TSHZ3: variants seen among roughly 807,000 people sequenced by gnomAD.
TSHZ3 encodes the protein teashirt zinc finger homeobox 3.
A neutral mutation model predicts 64.5 loss-of-function variants in TSHZ3; 10 were observed. The ratio of observed to expected loss-of-function variants is 0.16; its 90% confidence interval spans 0.10 to 0.26. The LOEUF (loss-of-function observed/expected upper bound fraction) is 0.26, where lower values mean the gene tolerates loss of function less well. Among genes scored for constraint, TSHZ3 ranks in the 10% least tolerant of loss-of-function variants. The pLI, the probability that TSHZ3 is intolerant of heterozygous loss-of-function variation, is 1.00. For missense variants in TSHZ3, 1,242 were observed against 1,421.7 expected (o/e 0.87, Z 2.03); for synonymous variants, 608 against 593.1 (o/e 1.03, Z -0.36).
intron 5 of TSHZ3, among the ~76,000 whole-genome samples, chr19:31,187,655 T>C (rs1373916668): frequency 1.3e-5 from 2 of 152,116 alleles, no homozygotes; most frequent in African/African-American, 4.8e-5. Flanking sequence ...TTTTTCAGTA[T>C]GGGTATATCT....
At chr19:31,335,635 C>T (rs1169558024) in intron 1 of TSHZ3, among the ~76,000 whole-genome samples, 1 of 152,242 alleles carries the variant, frequency 6.6e-6, no homozygotes, top group Non-Finnish European at 1.5e-5. Context: ...CTCAAGAACC[C>T]AAATCGTCAC....
chr19:31,244,073 A>C (rs936230202), intron 1 of TSHZ3, among the ~76,000 whole-genome samples: 1 of 152,166 alleles, frequency 6.6e-6, no homozygotes, highest in African/African-American at 2.4e-5. Context: ...ATTTGCATTC[A>C]GGGATGTTAT....
chr19:31,158,658 C>T (rs768411859), intron 5 of TSHZ3, among the ~76,000 whole-genome samples: 9 of 152,124 alleles, frequency 5.9e-5, no homozygotes, highest in Non-Finnish European at 1.2e-4. Context: ...ACATTGTAAT[C>T]ATATAATGAA....
At chr19:31,297,480 TTTTA>T (rs1976684737) in intron 1 of TSHZ3, among the ~76,000 whole-genome samples, 1 of 152,164 alleles carries the variant, frequency 6.6e-6, no homozygotes, top group Non-Finnish European at 1.5e-5. Context: ...TTTTCTAATT[TTTTA>T]TTTTTTTTAA....
chr19:31,313,809 T>C (rs766454964), intron 1 of TSHZ3, among the ~76,000 whole-genome samples: 8 of 152,176 alleles, frequency 5.3e-5, no homozygotes, highest in Non-Finnish European at 1.0e-4. Context: ...TTCATAGCCA[T>C]GCACTACCAG....
At chr19:31,247,243 ACG>A (rs1975768132) in intron 1 of TSHZ3, among the ~76,000 whole-genome samples, 1 of 152,118 alleles carries the variant, frequency 6.6e-6, no homozygotes, top group African/African-American at 2.4e-5. Flanking sequence ...CTCCCATAAG[ACG>A]CTTACTTATT....
chr19:31,225,286 C>G (rs1975444958), intron 4 of TSHZ3, among the ~76,000 whole-genome samples: 1 of 152,078 alleles, frequency 6.6e-6, no homozygotes, highest in Admixed American at 6.6e-5. Flanking sequence ...TCTTTGAAGT[C>G]CCAGGGAATG....
Position 31,226,977 on chromosome 19 carries a change from C to CTTTTTTTTTTTTTTTTTT in TSHZ3, n.686+1010_686+1027dup, listed in dbSNP as rs3030229. ...TTTTCTTCTCTTTCTTTCTTTCTTT[C>CTTTTTTTTTTTTTTTTTT]TTTTTTTTTTTTTTTTTTTGAGATG... On this transcript the variant is annotated intron_variant and non_coding_transcript_variant, in intron 4 of 6. Coordinates refer to the TSHZ3 transcript ENST00000651361. Among the ~76,000 whole-genome samples, 195 of 65,654 alleles carry CTTTTTTTTTTTTTTTTTT rather than the reference C, an allele frequency of 3.0e-3. 6 individuals carry two copies. The highest frequency in any genetic ancestry group is 3.3e-3 in the African/African-American group (34 of 10,314). 43.1% of individuals were successfully genotyped at this position (65,654 alleles called of 152,430 possible). A position where few individuals can be genotyped will look rare whatever the true frequency, so the allele number is the denominator to read the frequency against.
In TSHZ3 at chr19:31,341,630, GACACACACACAC is replaced by G. The variant is rs57786287; in HGVS notation, c.40+7538_40+7549del. On this transcript the variant is annotated intron_variant, in intron 1 of 1. Transcript: ENST00000240587. Reference sequence around the variant, plus strand: ...ACTCACTCTCTCTCTCTCTCTCTCTGACACACACACACACACACACACACACACACACACACA... The same window carrying G: ...ACTCACTCTCTCTCTCTCTCTCTCTGACACACACACACACACACACACACA... Among the ~76,000 whole-genome samples, 99 of 138,088 alleles carry G rather than the reference GACACACACACAC, an allele frequency of 7.2e-4. 1 individual carries two copies. In the South Asian group the frequency reaches 0.013, roughly 18 times the overall value. The allele number at this position is 138,088 out of a possible 152,430, so 90.6% of individuals were successfully genotyped here.
At chr19:31,212,066 T>G (rs1975264618) in intron 4 of TSHZ3, among the ~76,000 whole-genome samples, 1 of 152,078 alleles carries the variant, frequency 6.6e-6, no homozygotes, top group Non-Finnish European at 1.5e-5. Context: ...TTTTTTCTTT[T>G]TTGATACCAT....
intron 5 of TSHZ3, among the ~76,000 whole-genome samples, chr19:31,166,070 G>A (rs1003425921): frequency 5.3e-5 from 8 of 152,118 alleles, no homozygotes; most frequent in Admixed American, 2.6e-4. Flanking sequence ...TTATTACAGC[G>A]CCAGCAGCTT....
intron 4 of TSHZ3, among the ~76,000 whole-genome samples, chr19:31,215,704 C>G (rs886635126): frequency 5.9e-5 from 9 of 152,054 alleles, no homozygotes; most frequent in Non-Finnish European, 2.9e-5. Context: ...AACCCTGCCT[C>G]TATTACAAAT....
chr19:31,282,280 G>C (rs530344461), intron 1 of TSHZ3, among the ~76,000 whole-genome samples: 1 of 152,088 alleles, frequency 6.6e-6, no homozygotes, highest in Non-Finnish European at 1.5e-5. Context: ...TTCTGTCCTG[G>C]AGATGCCTCT....
chr19:31,156,995 G>A (rs983378115), intron 5 of TSHZ3, among the ~76,000 whole-genome samples: 1 of 152,158 alleles, frequency 6.6e-6, no homozygotes, highest in Non-Finnish European at 1.5e-5. Context: ...AGGGAAAATA[G>A]GCACTTTCTT....
downstream of TSHZ3, among the ~76,000 whole-genome samples, chr19:31,272,618 G>C (rs1468341331): frequency 6.6e-6 from 1 of 152,092 alleles, no homozygotes; most frequent in Non-Finnish European, 1.5e-5. Context: ...GCTAAATGTT[G>C]ACTGCAGCGA....
At chr19:31,249,442 G>C (rs1028237882) in intron 1 of TSHZ3, among the ~76,000 whole-genome samples, 1 of 152,152 alleles carries the variant, frequency 6.6e-6, no homozygotes, top group African/African-American at 2.4e-5. Flanking sequence ...TGTCTGCCCG[G>C]GTCAACTGAA....
chr19:31,302,878 T>G (rs895332869), intron 1 of TSHZ3, among the ~76,000 whole-genome samples: 16 of 152,116 alleles, frequency 1.1e-4, no homozygotes, highest in Admixed American at 9.8e-4. Context: ...GGATTCAGCA[T>G]GGCCCATTGC....
At chr19:31,302,459 T>C (rs933311022) in intron 1 of TSHZ3, among the ~76,000 whole-genome samples, 2 of 152,318 alleles carry the variant, frequency 1.3e-5, no homozygotes, top group South Asian at 4.1e-4. Flanking sequence ...ATCCAGTACT[T>C]GTGGTCATTT....
At chr19:31,246,123 TG>T (rs1975754763) in intron 1 of TSHZ3, among the ~76,000 whole-genome samples, 1 of 152,250 alleles carries the variant, frequency 6.6e-6, no homozygotes, top group Non-Finnish European at 1.5e-5. Flanking sequence ...TCCAAGAGTT[TG>T]TTTTTTTTAA....
Sources: allele counts gnomAD v4.1 joint callset (sites outside exome capture counted in the v4.1 genomes callset), GRCh38; gene constraint gnomAD v4.1.1; transcripts MANE v1.5; gene names NCBI Gene and HGNC (gene_info 2026-07-23, HGNC 2026-07-21).